Variants in SLC31A1 observed in about 807,000 individuals in gnomAD.
The protein encoded by SLC31A1 is solute carrier family 31 member 1.
A neutral mutation model predicts 17.2 loss-of-function variants in SLC31A1; 5 were observed. That is an observed-to-expected ratio of 0.29 (90% CI 0.15 to 0.61). The LOEUF is 0.61. SLC31A1 is among the 20% of genes least tolerant of loss of function. The pLI, the probability that SLC31A1 is intolerant of heterozygous loss-of-function variation, is 0.86. For missense variants in SLC31A1, 161 were observed against 241.4 expected, an observed-to-expected ratio of 0.67 and a Z score of 2.21; for synonymous variants, 76 against 78.8, an observed-to-expected ratio of 0.96 and a Z score of 0.19.
intron 1 of SLC31A1, among the ~76,000 whole-genome samples, chr9:113,243,818 G>A (rs1831547472): frequency 6.6e-6 from 1 of 151,840 alleles, no homozygotes; most frequent in Non-Finnish European, 1.5e-5. Flanking sequence ...GTCCCTTTTT[G>A]CTAAAATAGA....
intron 1 of SLC31A1, among the ~76,000 whole-genome samples, chr9:113,226,898 C>T (rs536612428): frequency 1.3e-5 from 2 of 152,164 alleles, no homozygotes; most frequent in Non-Finnish European, 2.9e-5. Flanking sequence ...TGGTGTAACT[C>T]ATACACCCGC....
In SLC31A1 at chr9:113,258,085, G is replaced by C. The variant is rs1185536392; in HGVS notation, c.203-609G>C. On this transcript the variant is annotated intron_variant, in intron 3 of 4. Coordinates refer to ENST00000374212, the MANE Select transcript of SLC31A1 (RefSeq NM_001859.4). The surrounding 1 kb of genome is among the most constrained non-coding windows in gnomAD (Gnocchi z 4.8). ...CTTAGACACTCCTAGTTTTGAGGTA[G>C]ATGATTACCCATCTGTTTGTGTCTA... 6.6e-6 allele frequency among the ~76,000 whole-genome samples: 1 copy of C among 152,114 alleles called. No homozygotes were observed. The highest frequency in any genetic ancestry group is 1.5e-5 in the Non-Finnish European group (1 of 68,036).
At chr9:113,238,801 A>T (rs1488965237) in intron 1 of SLC31A1, among the ~76,000 whole-genome samples, 1 of 152,230 alleles carries the variant, frequency 6.6e-6, no homozygotes. Context: ...TCTGGAGTTC[A>T]CAAGTCTTAG....
intron 1 of SLC31A1, among the ~76,000 whole-genome samples, chr9:113,228,070 C>T (rs150407642): frequency 3.7e-4 from 57 of 152,228 alleles, no homozygotes; most frequent in African/African-American, 1.2e-3. Flanking sequence ...AGATTGGCAG[C>T]GTAGGTATTT....
chr9:113,250,612 G>A (rs1184743635), intron 1 of SLC31A1, among the ~76,000 whole-genome samples: 20 of 150,520 alleles, frequency 1.3e-4, no homozygotes, highest in Non-Finnish European at 2.8e-4. Context: ...GCACCAGCAT[G>A]GCACATGTAT....
intron 1 of SLC31A1, among the ~76,000 whole-genome samples, chr9:113,228,635 A>G (rs1831367842): frequency 6.6e-6 from 1 of 152,214 alleles, no homozygotes; most frequent in Non-Finnish European, 1.5e-5. Context: ...AGAACAGGAT[A>G]TGTAAAGCTC....
intron 1 of SLC31A1, among the ~76,000 whole-genome samples, chr9:113,251,576 T>G (rs994176343): frequency 2.0e-5 from 3 of 152,182 alleles, no homozygotes; most frequent in African/African-American, 7.2e-5. Flanking sequence ...GAACCAATGC[T>G]AGTTTACCTC....
chr9:113,228,914 T>C (rs1383754010), intron 1 of SLC31A1, among the ~76,000 whole-genome samples: 1 of 151,716 alleles, frequency 6.6e-6, no homozygotes, highest in African/African-American at 2.4e-5. Flanking sequence ...TAGTGTGATC[T>C]CGGCTCATTG....
In SLC31A1 at chr9:113,262,623, A is replaced by C. The variant is rs1587998634; in HGVS notation, c.*2150A>C. 6.6e-6 allele frequency: 1 copy of C among 152,620 alleles called. No homozygotes were observed. Among genetic ancestry groups the C allele is most frequent in the East Asian group, 1.9e-4 (1 of 5,200 alleles). The allele number at this position is 152,620 out of a possible 1,614,324, so 9.5% of individuals were successfully genotyped here. A position where few individuals can be genotyped will look rare whatever the true frequency, so the allele number is the denominator to read the frequency against. On this transcript the variant is annotated 3_prime_UTR_variant, in exon 5 of 5. Transcript: ENST00000374212. ...TTGAGGTTAAAATCCAAGAACCAACATTTAGAGCTTTGTGCTTTTCTCTCA... is the reference window on the plus strand; with the variant it reads ...TTGAGGTTAAAATCCAAGAACCAACCTTTAGAGCTTTGTGCTTTTCTCTCA...
rs1056877457 is a variant in SLC31A1 at position 113,237,997 on chromosome 9, T to C, written c.-36+16319T>C. Reference sequence around the variant, plus strand: ...GCTCTCACAGAGCATAATGATAATATTACCACAGAGTAATAATAAGGCTTT... The same window carrying C: ...GCTCTCACAGAGCATAATGATAATACTACCACAGAGTAATAATAAGGCTTT... On this transcript the variant is annotated intron_variant, in intron 1 of 4. Transcript: ENST00000374212. Among the ~76,000 whole-genome samples the C allele has an allele frequency of 2.6e-5, 4 of 152,346 alleles. No individual in the cohort carries two copies. In the East Asian group the frequency reaches 7.7e-4, roughly 29 times the overall value.
chr9:113,242,517 T>G, intron 1 of SLC31A1, among the ~76,000 whole-genome samples: 1 of 152,104 alleles, frequency 6.6e-6, no homozygotes, highest in African/African-American at 2.4e-5. Context: ...TCCTCCCACT[T>G]CAGGGCCTCC....
At chr9:113,256,947 G>C (rs183148120) in intron 2 of SLC31A1, among the ~76,000 whole-genome samples, 166 bp from the exon 3 acceptor site, 1 of 151,950 alleles carries the variant, frequency 6.6e-6, no homozygotes, top group African/African-American at 2.4e-5. Context: ...ACTCATGCTC[G>C]GTGCCTGTGG....
intron 1 of SLC31A1, among the ~76,000 whole-genome samples, chr9:113,231,559 G>T (rs999422591): frequency 1.3e-4 from 15 of 119,562 alleles, no homozygotes; most frequent in African/African-American, 4.1e-4. Flanking sequence ...ATATGATCTT[G>T]TCTCAAAAAA....
chr9:113,231,503 G>A (rs1435994143), intron 1 of SLC31A1, among the ~76,000 whole-genome samples: 2 of 151,592 alleles, frequency 1.3e-5, no homozygotes, highest in Middle Eastern at 3.2e-3. Flanking sequence ...GGTGTAGGCC[G>A]CAGTGAGCTG....
rs1282361795 is a variant in SLC31A1 at position 113,252,946 on chromosome 9, C to CTTTTTTTTTTT, written c.-35-3161_-35-3160insTTTTTTTTTTT. Among the ~76,000 whole-genome samples the CTTTTTTTTTTT allele has an allele frequency of 1.8e-4, 20 of 113,700 alleles. 1 individual carries two copies. Among genetic ancestry groups the CTTTTTTTTTTT allele is most frequent in the African/African-American group, 2.8e-4 (8 of 28,082 alleles). The allele number at this position is 113,700 out of a possible 152,430, so 74.6% of individuals were successfully genotyped here. A position where few individuals can be genotyped will look rare whatever the true frequency, so the allele number is the denominator to read the frequency against. ...CTGGCTAGCGAAAGTCTTTTCTTTT[C>CTTTTTTTTTTT]TTTTTTTCTTTTTTTTTTTTTTTTT... is the stretch of plus-strand genomic sequence containing the variant. On this transcript the variant is annotated intron_variant, in intron 1 of 4. Coordinates refer to ENST00000374212, the MANE Select transcript of SLC31A1 (RefSeq NM_001859.4).
At chr9:113,226,022 T>C (rs961950854) in intron 1 of SLC31A1, among the ~76,000 whole-genome samples, 1 of 151,710 alleles carries the variant, frequency 6.6e-6, no homozygotes, top group African/African-American at 2.4e-5. Context: ...TAGTCCCAGC[T>C]ACTCAGGAGA....
At chr9:113,252,075 G>T (rs917087195) in intron 1 of SLC31A1, among the ~76,000 whole-genome samples, 6 of 152,140 alleles carry the variant, frequency 3.9e-5, no homozygotes, top group Non-Finnish European at 7.4e-5. Context: ...TACTTTGAAA[G>T]GTTTTCTTGG....
Position 113,258,645 on chromosome 9 carries a change from G to A in SLC31A1, c.203-49G>A, listed in dbSNP as rs1472287660. 5 of 1,601,736 alleles carry A rather than the reference G, an allele frequency of 3.1e-6. No homozygotes were observed. In the South Asian group the frequency reaches 4.4e-5, roughly 14 times the overall value. On this transcript the variant is annotated intron_variant, in intron 3 of 4. Coordinates refer to ENST00000374212, the MANE Select transcript of SLC31A1 (RefSeq NM_001859.4). This position sits in a 1 kb window ranked among gnomAD's most constrained non-coding sequence, Gnocchi z 4.8. ...CTAGCTGGACAGCACATTGGCTAAT[G>A]ATTTTGCACATGTTTGACAGTACCT...
chr9:113,227,085 G>C (rs940191425), intron 1 of SLC31A1, among the ~76,000 whole-genome samples: 2 of 151,972 alleles, frequency 1.3e-5, no homozygotes, highest in African/African-American at 4.8e-5. Context: ...CGATAGGTAT[G>C]CAATAAATAG....
Sources: gnomAD v4.1 joint callset for allele counts (sites outside exome capture counted in the v4.1 genomes callset) on GRCh38, gnomAD v4.1.1 for gene constraint, Gnocchi (gnomAD v3.1) non-coding constraint, MANE v1.5 for transcripts, NCBI Gene and HGNC (gene_info 2026-07-23, HGNC 2026-07-21) for gene names.